CCDC158: variants seen among roughly 807,000 people sequenced by gnomAD.
The protein encoded by CCDC158 is coiled-coil domain-containing protein 158.
In CCDC158, 116 loss-of-function variants were observed where a neutral mutation model predicts 138.6. That is an observed-to-expected ratio of 0.84 (90% CI 0.72 to 0.98). CCDC158 has a LOEUF of 0.98. Among genes scored for constraint, CCDC158 ranks in the 50% least tolerant of loss-of-function variants. CCDC158 has a pLI of 0.00. For missense variants in CCDC158, 1,265 were observed against 1,306.1 expected (o/e 0.97, Z 0.48); for synonymous variants, 436 against 442.4 (o/e 0.99, Z 0.18).
chr4:76,414,404 T>G (rs1039395153), intron 1 of CCDC158: 2 of 152,198 alleles, frequency 1.3e-5, no homozygotes, highest in Non-Finnish European at 1.5e-5. Context: ...GTTTCCACCC[T>G]CATGAATTTA....
intron 2 of CCDC158, among the ~76,000 whole-genome samples, chr4:76,409,529 A>G (rs4272041): frequency 0.33 from 49,853 of 152,048 alleles, 9,600 homozygotes; most frequent in Non-Finnish European, 0.44. Context: ...GGAGCCTTAC[A>G]TTTTTAAAAA....
chr4:76,378,961 G>A (rs1725969270), intron 9 of CCDC158, among the ~76,000 whole-genome samples: 1 of 152,102 alleles, frequency 6.6e-6, no homozygotes, highest in Admixed American at 6.6e-5. Flanking sequence ...AAAATATTGA[G>A]TAGCAGGGGG....
chr4:76,408,635 C>T (rs1302791144), intron 2 of CCDC158, among the ~76,000 whole-genome samples: 2 of 152,020 alleles, frequency 1.3e-5, no homozygotes, highest in Admixed American at 6.6e-5. Flanking sequence ...TGAATAGTGC[C>T]GCAATAAAAA....
chr4:76,420,609 CAA>C (rs1730038808), intron 1 of CCDC158, among the ~76,000 whole-genome samples: 1 of 152,232 alleles, frequency 6.6e-6, no homozygotes, highest in African/African-American at 2.4e-5. Flanking sequence ...TCTCTACCAC[CAA>C]GTCTTCCCCA....
intron 18 of CCDC158, among the ~76,000 whole-genome samples, chr4:76,339,566 A>G (rs1434851477): frequency 6.6e-6 from 1 of 152,246 alleles, no homozygotes; most frequent in East Asian, 1.9e-4. Flanking sequence ...GCAGGAGCAC[A>G]TGTTATGTGT....
Position 76,379,326 on chromosome 4 carries a change from A to C in CCDC158, c.993T>G (p.Ser331=). 1 of 1,609,340 alleles carries C rather than the reference A, an allele frequency of 6.2e-7. No individual in the cohort carries two copies. Among genetic ancestry groups the C allele is most frequent in the Non-Finnish European group, 8.5e-7 (1 of 1,178,432 alleles). The change falls in exon 9 of 25, where the codon TCT becomes TCG. Residue 331 remains serine, a synonymous_variant. Transcript: ENST00000682701. ...DLESTVSQLR[S]ELREAKRMYE... ...ACATCCTTTTGGCTTCCCTTAATTC[A>C]GAACGTAGCTGAGAAACAGTAGATT...
At chr4:76,416,908 G>T (rs1184725758) in intron 1 of CCDC158, among the ~76,000 whole-genome samples, 1 of 150,802 alleles carries the variant, frequency 6.6e-6, no homozygotes, top group East Asian at 1.9e-4. Context: ...AGTCCCTACT[G>T]GGCACTGCCT....
intron 24 of CCDC158, among the ~76,000 whole-genome samples, chr4:76,317,523 C>T (rs1719516898): frequency 6.6e-6 from 1 of 152,070 alleles, no homozygotes; most frequent in South Asian, 2.1e-4. Context: ...GATGCTAATA[C>T]AATAATAGTG....
chr4:76,314,326 C>A (rs774671727), intron 24 of CCDC158, among the ~76,000 whole-genome samples: 4 of 152,180 alleles, frequency 2.6e-5, no homozygotes, highest in Non-Finnish European at 5.9e-5. Context: ...GATAATGCAT[C>A]TTCCTTCAAA....
rs1473910458 is a variant in CCDC158 at position 76,362,139 on chromosome 4, T to C, written c.2007A>G (p.Leu669=). 1.2e-6 allele frequency: 2 copies of C among 1,613,630 alleles called. No individual in the cohort carries two copies. Among genetic ancestry groups the C allele is most frequent in the Admixed American group, 1.7e-5 (1 of 60,004 alleles). The change falls in exon 13 of 25, where the codon TTA becomes TTG. Residue 669 remains leucine, a synonymous_variant. Coordinates refer to ENST00000682701, the MANE Select transcript of CCDC158 (RefSeq NM_001394954.1). ...LNEVKTSRSE[L]NNLSEEYEVL... is the part of the protein sequence containing the mutation. ...GAAGCAACATACCTGAAAGATTGTT[T>C]AATTCACTCCTACTTGTTTTCACCT...
In CCDC158 at chr4:76,320,289, A is replaced by G. The variant is rs1248484261; in HGVS notation, c.3277+3013T>C. On this transcript the variant is annotated intron_variant, in intron 24 of 24. Coordinates refer to ENST00000682701, the MANE Select transcript of CCDC158 (RefSeq NM_001394954.1). ...TACAAATGCTGCTGAAGGAAATCAT[A>G]GACAACACACACAAATGGAAACACA... Among the ~76,000 whole-genome samples, 3 of 152,206 alleles carry G rather than the reference A, an allele frequency of 2.0e-5. No homozygotes were observed. In the East Asian group the frequency reaches 5.8e-4, roughly 29 times the overall value.
rs760427078 is a variant in CCDC158 at position 76,325,903 on chromosome 4, T to G, written c.3123A>C (p.Ser1041=). The change falls in exon 23 of 25, where the codon TCA becomes TCC. Residue 1041 remains serine, a synonymous_variant. Transcript: ENST00000682701. ...SSVEGSIGST[S]QYRSAKPIHS... ...GAATAGGTTTGGCAGATCTATACTG[T>G]GATGTGGAACCTATTGAACCTTCAA... 6.2e-7 allele frequency: 1 copy of G among 1,613,794 alleles called. No individual in the cohort carries two copies. Among genetic ancestry groups the G allele is most frequent in the Admixed American group, 1.7e-5 (1 of 60,018 alleles).
In CCDC158 at chr4:76,357,504, C is replaced by T. The variant is rs756139747; in HGVS notation, c.2043G>A (p.Arg681=). Residue 681 remains arginine (R), a synonymous_variant, in exon 14 of 25, where the codon AGG becomes AGA. Coordinates refer to ENST00000682701, the MANE Select transcript of CCDC158 (RefSeq NM_001394954.1). ...TTTCTTCACTTTTGTTTCGGAAATT[C>T]CTTTTTAAGACTTCATACTCCTCTA... The part of the protein sequence containing the change: ...NLSEEYEVLK[R]NFRNKSEEME... The T allele has an allele frequency of 1.9e-6, 3 of 1,593,788 alleles. No individual in the cohort carries two copies. Among genetic ancestry groups the T allele is most frequent in the Non-Finnish European group, 2.6e-6 (3 of 1,168,242 alleles).
chr4:76,366,222 T>C (rs896252924), intron 12 of CCDC158, among the ~76,000 whole-genome samples: 2 of 152,178 alleles, frequency 1.3e-5, no homozygotes, highest in Non-Finnish European at 2.9e-5. Flanking sequence ...CCTTTCTATG[T>C]CCCTTTTCAT....
At chr4:76,399,824 T>A (rs1006807331) in intron 3 of CCDC158, among the ~76,000 whole-genome samples, 2 of 152,150 alleles carry the variant, frequency 1.3e-5, no homozygotes, top group Non-Finnish European at 2.9e-5. Context: ...AAGATATGAA[T>A]GAGCAGGGTG....
At chr4:76,334,740 T>C (rs534485321) in intron 18 of CCDC158, among the ~76,000 whole-genome samples, 10 of 152,304 alleles carry the variant, frequency 6.6e-5, no homozygotes, top group Middle Eastern at 3.4e-3. Flanking sequence ...ACATTTTCAA[T>C]AGGCACATCA....
At chr4:76,317,394 T>C (rs977444948) in intron 24 of CCDC158, among the ~76,000 whole-genome samples, 15 of 152,100 alleles carry the variant, frequency 9.9e-5, no homozygotes, top group Admixed American at 9.8e-4. Context: ...AGAGGGATAT[T>C]ATATAGTGAT....
chr4:76,316,563 C>G (rs759520003), intron 24 of CCDC158, among the ~76,000 whole-genome samples: 2 of 152,034 alleles, frequency 1.3e-5, no homozygotes, highest in Non-Finnish European at 2.9e-5. Context: ...GAAAATTTCC[C>G]TAGACTCACT....
intron 22 of CCDC158, among the ~76,000 whole-genome samples, chr4:76,326,601 ACAAAC>A (rs1720554143): frequency 6.6e-6 from 1 of 152,328 alleles, no homozygotes; most frequent in South Asian, 2.1e-4. Context: ...AGCTGCTAAA[ACAAAC>A]CAATCAAAAA....
Sources: allele counts gnomAD v4.1 joint callset (sites outside exome capture counted in the v4.1 genomes callset), GRCh38; gene constraint gnomAD v4.1.1; transcripts MANE v1.5; gene names NCBI Gene and HGNC (gene_info 2026-07-23, HGNC 2026-07-21).